LEF1: variants seen among roughly 807,000 people sequenced by gnomAD.
LEF1 encodes the protein lymphoid enhancer binding factor 1.
Under a neutral mutation model 51.2 loss-of-function variants are expected in LEF1, and 14 were observed. That is an observed-to-expected ratio of 0.27 (90% confidence interval 0.18 to 0.43). The LOEUF is 0.43. Among genes scored for constraint, LEF1 ranks in the 20% least tolerant of loss-of-function variants. The pLI, the probability that LEF1 is intolerant of heterozygous loss-of-function variation, is 1.00. For synonymous variants in LEF1, 185 were observed against 183.2 expected (o/e 1.01, Z -0.08); for missense variants, 386 against 512.0 (o/e 0.75, Z 2.37).
intron 6 of LEF1, among the ~76,000 whole-genome samples, chr4:108,080,811 C>T (rs1051719391): frequency 7.9e-5 from 12 of 152,106 alleles, no homozygotes; most frequent in African/African-American, 2.9e-4. Flanking sequence ...AAGACATATT[C>T]ACAACCAGTT....
At chr4:108,066,397 T>C (rs541416881) in intron 9 of LEF1, among the ~76,000 whole-genome samples, 2 of 152,344 alleles carry the variant, frequency 1.3e-5, no homozygotes, top group African/African-American at 2.4e-5. Context: ...ACCTTGTTGG[T>C]CCATCCCTCA....
chr4:108,153,385 T>C (rs1014184266), intron 3 of LEF1, among the ~76,000 whole-genome samples: 1 of 152,188 alleles, frequency 6.6e-6, no homozygotes, highest in Non-Finnish European at 1.5e-5. Context: ...AATGTAGCCT[T>C]ATTGATAATA....
At chr4:108,110,280 T>C (rs1296332693) in intron 3 of LEF1, among the ~76,000 whole-genome samples, 2 of 152,216 alleles carry the variant, frequency 1.3e-5, no homozygotes, top group Admixed American at 1.3e-4. Context: ...ATGTTTTCAC[T>C]TTCTAAAATT....
intron 3 of LEF1, among the ~76,000 whole-genome samples, chr4:108,143,173 T>G (rs551351082): frequency 6.6e-6 from 1 of 152,240 alleles, no homozygotes; most frequent in Non-Finnish European, 1.5e-5. Flanking sequence ...TGTCTGTAAC[T>G]GTGCAGAACT....
At chr4:108,165,716 A>G (rs1041835939) in intron 1 of LEF1, among the ~76,000 whole-genome samples, 1 of 152,240 alleles carries the variant, frequency 6.6e-6, no homozygotes, top group Non-Finnish European at 1.5e-5. Flanking sequence ...TGGCTGGCTG[A>G]GTGCAGGCTT....
chr4:108,084,638 G>GA (rs1453059330), intron 4 of LEF1, among the ~76,000 whole-genome samples: 2 of 152,134 alleles, frequency 1.3e-5, no homozygotes, highest in Non-Finnish European at 2.9e-5. Context: ...AGGTGGGAAA[G>GA]AAAAAAGTTC....
chr4:108,134,987 C>T (rs777215239), intron 3 of LEF1, among the ~76,000 whole-genome samples: 1 of 152,146 alleles, frequency 6.6e-6, no homozygotes, highest in Non-Finnish European at 1.5e-5. Flanking sequence ...GAATAAAAAA[C>T]ACTACATCAC....
rs1223984087 is a variant in LEF1 at position 108,167,951 on chromosome 4, G to C, written c.-184C>G. 2 of 340,590 alleles carry C rather than the reference G, an allele frequency of 5.9e-6. No homozygotes were observed. The highest frequency in any genetic ancestry group is 5.1e-6 in the Non-Finnish European group (1 of 194,832). The allele number at this position is 340,590 out of a possible 1,614,324, so 21.1% of individuals were successfully genotyped here. ...GCCGGCAGCCGGAGCAGCTGCCGCGGCGCCCGAATCCCGGCGGCCGCCGCG... is the reference window on the plus strand; with the variant it reads ...GCCGGCAGCCGGAGCAGCTGCCGCGCCGCCCGAATCCCGGCGGCCGCCGCG... On this transcript the variant is annotated 5_prime_UTR_variant, in exon 1 of 12. Transcript: ENST00000265165. This position sits in a 1 kb window ranked among gnomAD's most constrained non-coding sequence, Gnocchi z 5.7.
intron 3 of LEF1, among the ~76,000 whole-genome samples, chr4:108,140,479 G>C (rs1453682711): frequency 6.6e-6 from 1 of 151,918 alleles, no homozygotes; most frequent in Admixed American, 6.6e-5. Flanking sequence ...TTGATTTTTT[G>C]TTTTGACTTA....
At chr4:108,123,607 A>G (rs537529865) in intron 3 of LEF1, among the ~76,000 whole-genome samples, 3 of 152,116 alleles carry the variant, frequency 2.0e-5, no homozygotes, top group African/African-American at 7.2e-5. Context: ...GATGCATTCA[A>G]AATGTATATT....
chr4:108,074,268 A>G (rs1738697559), intron 8 of LEF1, among the ~76,000 whole-genome samples: 1 of 152,228 alleles, frequency 6.6e-6, no homozygotes, highest in African/African-American at 2.4e-5. Context: ...ACTTTTTAAA[A>G]ATCAAATCTC....
chr4:108,158,984 CT>C (rs556767756), intron 3 of LEF1, among the ~76,000 whole-genome samples: 6,512 of 148,048 alleles, frequency 0.044, 160 homozygotes, highest in Non-Finnish European at 0.063. Context: ...AGTGTGTGGT[CT>C]TTTTTTTTTA....
chr4:108,073,823 ACCC>A lies in LEF1; in HGVS notation c.1009-3056_1009-3054del, dbSNP rs35881643. 4.8e-5 allele frequency among the ~76,000 whole-genome samples: 7 copies of A among 144,742 alleles called. No individual in the cohort carries two copies. In the East Asian group the frequency reaches 8.1e-4, roughly 17 times the overall value. 95.0% of individuals were successfully genotyped at this position (144,742 alleles called of 152,430 possible). Reference sequence around the variant, plus strand: ...TTCCATTGCTTTAAGTCCTCTGATAACCCCCCCCCCTTTTTTTTTTGAGACAGA... The same window carrying A: ...TTCCATTGCTTTAAGTCCTCTGATAACCCCCCCTTTTTTTTTTGAGACAGA... On this transcript the variant is annotated intron_variant, in intron 8 of 11. Coordinates refer to ENST00000265165, the MANE Select transcript of LEF1 (RefSeq NM_016269.5).
intron 3 of LEF1, among the ~76,000 whole-genome samples, chr4:108,150,769 C>T (rs1744318676): frequency 6.6e-6 from 1 of 152,162 alleles, no homozygotes; most frequent in African/African-American, 2.4e-5. Flanking sequence ...TCACTGGAAA[C>T]ATAGGCATAT....
chr4:108,080,681 G>A (rs929062793), intron 6 of LEF1, among the ~76,000 whole-genome samples: 4 of 152,042 alleles, frequency 2.6e-5, no homozygotes, highest in South Asian at 4.1e-4. Flanking sequence ...ATGTTTTAAG[G>A]GGAAGGATAT....
chr4:108,165,538 C>T (rs1745333038), intron 1 of LEF1, among the ~76,000 whole-genome samples: 1 of 152,202 alleles, frequency 6.6e-6, no homozygotes, highest in Non-Finnish European at 1.5e-5. Context: ...ATAGCCTCTT[C>T]AACCACTGTT....
chr4:108,077,179 A>AT (rs1277691540), intron 8 of LEF1, among the ~76,000 whole-genome samples: 3 of 149,798 alleles, frequency 2.0e-5, no homozygotes, highest in African/African-American at 7.4e-5. Context: ...TCTCTACAAA[A>AT]TTTTTTTTTT....
At chr4:108,089,524 T>C (rs1739870195) in intron 3 of LEF1, among the ~76,000 whole-genome samples, 1 of 152,226 alleles carries the variant, frequency 6.6e-6, no homozygotes, top group Non-Finnish European at 1.5e-5. Flanking sequence ...GGTTGATCAC[T>C]ACTCTTCCAT....
intron 3 of LEF1, among the ~76,000 whole-genome samples, chr4:108,151,294 C>A (rs1744345729): frequency 6.6e-6 from 1 of 152,188 alleles, no homozygotes; most frequent in African/African-American, 2.4e-5. Context: ...GCTATTACTA[C>A]CCAAAATATG....
Sources: allele counts gnomAD v4.1 joint callset (sites outside exome capture counted in the v4.1 genomes callset), GRCh38; gene constraint gnomAD v4.1.1; non-coding constraint Gnocchi (gnomAD v3.1); transcripts MANE v1.5; gene names NCBI Gene and HGNC (gene_info 2026-07-23, HGNC 2026-07-21).